Variants in PARD6G observed in about 807,000 individuals in gnomAD.
The protein encoded by PARD6G is partitioning defective 6 homolog gamma.
Under a neutral mutation model 10.7 loss-of-function variants are expected in PARD6G, and 7 were observed. The observed-to-expected ratio is 0.66, with a 90% CI of 0.37 to 1.23. The LOEUF (loss-of-function observed/expected upper bound fraction) is 1.23. Among genes scored for constraint, PARD6G ranks in the 50% most tolerant of loss-of-function variants. The probability of loss-of-function intolerance (pLI) is 0.02; values close to 1 mark genes in which losing one functional copy is unlikely to be tolerated. For synonymous variants in PARD6G, 287 were observed against 269.4 expected (o/e 1.07, Z -0.64); for missense variants, 548 against 571.8 (o/e 0.96, Z 0.42).
chr18:80,179,222 C>CT (rs2052834442), intron 2 of PARD6G, among the ~76,000 whole-genome samples: 1 of 113,662 alleles, frequency 8.8e-6, no homozygotes, highest in Non-Finnish European at 2.2e-5. Context: ...TGGCTGCAGT[C>CT]ATTTTTTTTT....
chr18:80,205,324 GTA>G (rs1300819499), intron 1 of PARD6G, among the ~76,000 whole-genome samples: 2 of 152,316 alleles, frequency 1.3e-5, no homozygotes, highest in Middle Eastern at 6.8e-3. Flanking sequence ...GTTTTATGCG[GTA>G]TCTTTCAGAT....
At chr18:80,171,724 T>C (rs1383606254) in intron 2 of PARD6G, 6 of 152,278 alleles carry the variant, frequency 3.9e-5, no homozygotes, top group Non-Finnish European at 8.8e-5. Context: ...AATGGAATCT[T>C]ACAACACGTG....
rs1026411556 is a variant in PARD6G at position 80,200,115 on chromosome 18, T to C, written c.295+2595A>G. 6.6e-6 allele frequency among the ~76,000 whole-genome samples: 1 copy of C among 152,100 alleles called. No homozygotes were observed. Among genetic ancestry groups the C allele is most frequent in the African/African-American group, 2.4e-5 (1 of 41,418 alleles). On this transcript the variant is annotated intron_variant, in intron 2 of 2. Coordinates refer to ENST00000353265, the MANE Select transcript of PARD6G (RefSeq NM_032510.4). This position sits in a 1 kb window ranked among gnomAD's most constrained non-coding sequence, Gnocchi z 4.4. ...AATGACACAGTGGGTACGGCTGCAG[T>C]AGAATCTTGAAAATAGCATGACCGT...
At chr18:80,218,431 A>C (rs1473876169) in intron 1 of PARD6G, among the ~76,000 whole-genome samples, 1 of 152,180 alleles carries the variant, frequency 6.6e-6, no homozygotes, top group East Asian at 1.9e-4. Context: ...CTAAACTTAA[A>C]GTTCCAAAAC....
At chr18:80,195,113 G>A (rs948977670) in intron 2 of PARD6G, among the ~76,000 whole-genome samples, 4 of 152,120 alleles carry the variant, frequency 2.6e-5, no homozygotes, top group Admixed American at 2.6e-4. Context: ...GTGCCTCCAC[G>A]CTTGGCCTCA....
At chr18:80,164,071 A>T (rs12456460) in intron 2 of PARD6G, among the ~76,000 whole-genome samples, 1 of 152,070 alleles carries the variant, frequency 6.6e-6, no homozygotes, top group Non-Finnish European at 1.5e-5. Flanking sequence ...TACAAAGATC[A>T]GAAAGAGGCA....
Position 80,202,850 on chromosome 18 carries a change from G to T in PARD6G, c.155C>A (p.Thr52Asn), listed in dbSNP as rs1024192888. The change falls in exon 2 of 3, where the codon ACC becomes AAC. Residue 52 changes from threonine (T) to asparagine (N), a missense_variant. Thr to Asn is a moderately conservative substitution (Grantham distance 65). Around this residue, in one of 2 missense-constraint regions of PARD6G, gnomAD observed 235 missense variants for 291.9 expected, o/e 0.81. Coordinates refer to ENST00000353265, the MANE Select transcript of PARD6G (RefSeq NM_032510.4). Reference protein sequence around the residue: ...FEDFYKLVVHTHHISNSDVTI... With the variant: ...FEDFYKLVVHNHHISNSDVTI... ...TACATCACTGTTGGAGATATGGTGG[G>T]TGTGCACAACCAGCTTGTAGAAATC... is the stretch of plus-strand genomic sequence containing the variant. The T allele has an allele frequency of 1.9e-6, 3 of 1,610,410 alleles. No homozygotes were observed. The highest frequency in any genetic ancestry group is 2.5e-6 in the Non-Finnish European group (3 of 1,178,550).
In PARD6G at chr18:80,184,820, CAG is replaced by C. The variant is rs1021374878; in HGVS notation, c.295+17888_295+17889del. On this transcript the variant is annotated intron_variant, in intron 2 of 2. Transcript: ENST00000353265. This position sits in a 1 kb window ranked among gnomAD's most constrained non-coding sequence, Gnocchi z 4.5. ...GAATGGGGAGAGACTACTTAACAGGCAGAGACTTGTTTTTGGGGTGGTGAAAA... is the reference window on the plus strand; with the variant it reads ...GAATGGGGAGAGACTACTTAACAGGCAGACTTGTTTTTGGGGTGGTGAAAA... 9 of 152,208 alleles carry C rather than the reference CAG, an allele frequency of 5.9e-5. No homozygotes were observed. The highest frequency in any genetic ancestry group is 2.2e-4 in the African/African-American group (9 of 41,450). 9.4% of individuals were successfully genotyped at this position (152,208 alleles called of 1,614,324 possible). A position where few individuals can be genotyped will look rare whatever the true frequency, so the allele number is the denominator to read the frequency against.
At chr18:80,214,646 T>C (rs1040928974) in intron 1 of PARD6G, among the ~76,000 whole-genome samples, 2 of 151,718 alleles carry the variant, frequency 1.3e-5, no homozygotes, top group African/African-American at 4.8e-5. Flanking sequence ...ATTTGATAGG[T>C]ACATTGAGAT....
intron 1 of PARD6G, among the ~76,000 whole-genome samples, chr18:80,220,859 C>A (rs140018748): frequency 8.4e-4 from 128 of 152,206 alleles, no homozygotes; most frequent in African/African-American, 3.0e-3. Flanking sequence ...CTTCAGTGAT[C>A]TGCCTGTCTC....
chr18:80,226,529 T>C (rs1357573606), intron 1 of PARD6G, among the ~76,000 whole-genome samples: 1 of 152,176 alleles, frequency 6.6e-6, no homozygotes, highest in Admixed American at 6.5e-5. Context: ...TGTCTCTATC[T>C]TCCCTCTTTT....
chr18:80,164,892 G>A lies in PARD6G; in HGVS notation c.296-4286C>T, dbSNP rs933595984. On this transcript the variant is annotated intron_variant, in intron 2 of 2. Coordinates refer to ENST00000353265, the MANE Select transcript of PARD6G (RefSeq NM_032510.4). ...ATGCTTCAAAAGGCAAAAAGCAGACGTACTAATAACGGTCTAACAAAGATC... is the reference window on the plus strand; with the variant it reads ...ATGCTTCAAAAGGCAAAAAGCAGACATACTAATAACGGTCTAACAAAGATC... Among the ~76,000 whole-genome samples, 9 of 152,084 alleles carry A rather than the reference G, an allele frequency of 5.9e-5. 1 individual carries two copies. The highest frequency in any genetic ancestry group is 4.1e-4 in the South Asian group (2 of 4,826).
intron 2 of PARD6G, among the ~76,000 whole-genome samples, chr18:80,190,385 T>C (rs1966886282): frequency 6.6e-6 from 1 of 152,162 alleles, no homozygotes; most frequent in South Asian, 2.1e-4. Flanking sequence ...CTGTGTACAC[T>C]GCCTCTCGTC....
At position 80,247,089 on chromosome 18, in the gene PARD6G, G is replaced by A. The variant is rs372031652; in HGVS notation, c.72+188C>T. Among the ~76,000 whole-genome samples the A allele has an allele frequency of 7.9e-5, 12 of 152,244 alleles. No homozygotes were observed. In the South Asian group the frequency reaches 2.1e-3, roughly 26 times the overall value. On this transcript the variant is annotated intron_variant, in intron 1 of 2. Coordinates refer to ENST00000353265, the MANE Select transcript of PARD6G (RefSeq NM_032510.4). The surrounding 1 kb of genome is among the most constrained non-coding windows in gnomAD (Gnocchi z 4.2). ...GCCGCGGCTGCCGGGCTTTGTGTCC[G>A]CGCGGGGGGCGGGAAGGACGGCCGG...
chr18:80,159,902 G>T lies in PARD6G; in HGVS notation c.1000C>A (p.Arg334=). The T allele has an allele frequency of 3.3e-6, 5 of 1,512,992 alleles. No individual in the cohort carries two copies. The highest frequency in any genetic ancestry group is 4.4e-6 in the Non-Finnish European group (5 of 1,137,260). The allele number at this position is 1,512,992 out of a possible 1,614,324, so 93.7% of individuals were successfully genotyped here. The change falls in exon 3 of 3, where the codon CGG becomes AGG. Residue 334 remains arginine (R), a synonymous_variant. Transcript: ENST00000353265. ...TCCAGGGCCAGGTCCCGCTGCAGCC[G>T]CTGCGCCAGGCCCGCGCCATTGACC... ...SRVNGAGLAQ[R]LQRDLALDGG... is the part of the protein sequence containing the mutation.
intron 1 of PARD6G, among the ~76,000 whole-genome samples, chr18:80,206,003 T>A (rs2145283343): frequency 1.3e-5 from 2 of 152,366 alleles, no homozygotes; most frequent in Middle Eastern, 3.4e-3. Flanking sequence ...CAGGCCTCCC[T>A]GAAACAGCAT....
rs35217634 is a variant in PARD6G at position 80,177,218 on chromosome 18, G to GCACACACACACA, written c.296-16624_296-16613dup. On this transcript the variant is annotated intron_variant, in intron 2 of 2. Transcript: ENST00000353265. ...ATAAATCACAGCCTAAATGGGAAGC[G>GCACACACACACA]CACACACACACACACACACACACAC... Among the ~76,000 whole-genome samples, 899 of 98,848 alleles carry GCACACACACACA rather than the reference G, an allele frequency of 9.1e-3. 31 individuals are homozygous for GCACACACACACA. The highest frequency in any genetic ancestry group is 0.023 in the Admixed American group (199 of 8,524). 64.8% of individuals were successfully genotyped at this position (98,848 alleles called of 152,430 possible).
At chr18:80,234,417 T>C (rs1221325344) in intron 1 of PARD6G, among the ~76,000 whole-genome samples, 1 of 152,130 alleles carries the variant, frequency 6.6e-6, no homozygotes, top group East Asian at 1.9e-4. Context: ...AGATAAAGGA[T>C]CTTTTCTGAT....
intron 1 of PARD6G, among the ~76,000 whole-genome samples, chr18:80,237,711 G>A (rs1333382279): frequency 6.6e-6 from 1 of 152,202 alleles, no homozygotes. Flanking sequence ...CTTTTCAAAA[G>A]AAGACATTTA....
Sources: allele counts gnomAD v4.1 joint callset (sites outside exome capture counted in the v4.1 genomes callset), GRCh38; gene constraint gnomAD v4.1.1; regional missense constraint gnomAD v4.1.1; non-coding constraint Gnocchi (gnomAD v3.1); transcripts MANE v1.5; gene names NCBI Gene and HGNC (gene_info 2026-07-23, HGNC 2026-07-21).